PCDH15: variants seen among roughly 807,000 people sequenced by gnomAD.
PCDH15 encodes protocadherin related 15.
Under a neutral mutation model 178.5 loss-of-function variants are expected in PCDH15, and 129 were observed. That is an observed-to-expected ratio of 0.72 (90% CI 0.63 to 0.84). The LOEUF is 0.84. Among genes scored for constraint, PCDH15 ranks in the 40% least tolerant of loss-of-function variants. The probability of loss-of-function intolerance (pLI) is 0.00; values close to 1 mark genes in which losing one functional copy is unlikely to be tolerated. For synonymous variants in PCDH15, 800 were observed against 732.0 expected (o/e 1.09, Z -1.50); for missense variants, 2,230 against 2,099.9 (o/e 1.06, Z -1.21).
chr10:54,117,662 C>G (rs904433424), intron 15 of PCDH15, among the ~76,000 whole-genome samples: 6 of 152,080 alleles, frequency 3.9e-5, no homozygotes, highest in African/African-American at 1.4e-4. Context: ...TCTCAGGAGA[C>G]CCAAAGTGTG....
At chr10:53,827,974 G>A (rs181276871) in intron 31 of PCDH15, among the ~76,000 whole-genome samples, 4 of 151,814 alleles carry the variant, frequency 2.6e-5, no homozygotes, top group Admixed American at 2.6e-4. Context: ...AAACATTTTT[G>A]ACGTTATTTC....
In PCDH15 at chr10:54,999,697, C is replaced by T. The variant is rs186246460; in HGVS notation, c.-79-102197G>A. Among the ~76,000 whole-genome samples the T allele has an allele frequency of 1.2e-4, 19 of 152,184 alleles. No homozygotes were observed. In the East Asian group the frequency reaches 1.4e-3, roughly 11 times the overall value. ...CAGGACGCCACAGTACTGGGTTGAG[C>T]GATATCGGGGAAAATTCAGCCAGAT... On this transcript the variant is annotated intron_variant, in intron 2 of 5. Transcript: ENST00000458638.
chr10:55,504,704 AACATT>A (rs1375054130), intron 2 of PCDH15, among the ~76,000 whole-genome samples: 1 of 151,434 alleles, frequency 6.6e-6, no homozygotes, highest in Non-Finnish European at 1.5e-5. Context: ...ACTAATGAAA[AACATT>A]ACATCAGGTA....
intron 2 of PCDH15, among the ~76,000 whole-genome samples, chr10:55,544,446 T>C (rs1004809883): frequency 4.6e-5 from 7 of 151,942 alleles, no homozygotes; most frequent in Non-Finnish European, 1.5e-5. Flanking sequence ...ACTATTCATA[T>C]TTTTCAAATG....
intron 25 of PCDH15, among the ~76,000 whole-genome samples, chr10:53,928,045 G>A (rs564456714): frequency 6.6e-6 from 1 of 152,128 alleles, no homozygotes. Context: ...ATTCCTTGAG[G>A]TTAAGTGAAA....
intron 2 of PCDH15, among the ~76,000 whole-genome samples, chr10:54,995,388 T>C (rs1839614007): frequency 6.4e-5 from 1 of 15,668 alleles, no homozygotes; most frequent in Non-Finnish European, 1.0e-4. Context: ...CGAGACTCCG[T>C]CTCAAAAAAA....
At chr10:55,552,573 T>C (rs1394277434) in intron 2 of PCDH15, among the ~76,000 whole-genome samples, 1 of 151,446 alleles carries the variant, frequency 6.6e-6, no homozygotes, top group Non-Finnish European at 1.5e-5. Flanking sequence ...AGAATACTTT[T>C]AGAACAAGTA....
At position 55,014,200 on chromosome 10, in the gene PCDH15, A is replaced by AT. The variant is rs879648451; in HGVS notation, c.-79-116701dup. On this transcript the variant is annotated intron_variant, in intron 2 of 5. Transcript: ENST00000458638. ...CTCAAAGGGAGGAATACACCTTGAA[A>AT]TTTTTTTTTTATAATTACAAAGTGG... is the stretch of plus-strand genomic sequence containing the variant. 5.3e-3 allele frequency among the ~76,000 whole-genome samples: 803 copies of AT among 150,820 alleles called. 4 individuals are homozygous for AT. Among genetic ancestry groups the AT allele is most frequent in the African/African-American group, 0.019 (767 of 41,200 alleles).
chr10:55,402,279 A>C (rs767628034), intron 2 of PCDH15, among the ~76,000 whole-genome samples: 1 of 152,094 alleles, frequency 6.6e-6, no homozygotes, highest in Non-Finnish European at 1.5e-5. Context: ...GGGTACATAT[A>C]TTTTGATACA....
At chr10:53,824,699 G>C (rs1464358879) in intron 32 of PCDH15, among the ~76,000 whole-genome samples, 1 of 152,030 alleles carries the variant, frequency 6.6e-6, no homozygotes, top group Non-Finnish European at 1.5e-5. Context: ...AACTGGGATT[G>C]ATATTATATA....
chr10:55,159,369 C>CTATCTATA (rs1285021187), intron 2 of PCDH15, among the ~76,000 whole-genome samples: 1 of 20,886 alleles, frequency 4.8e-5, no homozygotes, highest in African/African-American at 8.5e-5. Flanking sequence ...ATCTATCTAT[C>CTATCTATA]TATATATATA....
At chr10:54,912,152 C>A (rs1954829811) in intron 2 of PCDH15, among the ~76,000 whole-genome samples, 1 of 151,930 alleles carries the variant, frequency 6.6e-6, no homozygotes, top group Admixed American at 6.6e-5. Context: ...CCATAGTAGA[C>A]AAATTTTGAA....
chr10:54,421,136 CAATT>C (rs1274661887), intron 3 of PCDH15, among the ~76,000 whole-genome samples: 4 of 151,948 alleles, frequency 2.6e-5, no homozygotes, highest in African/African-American at 9.7e-5. Context: ...GTATTTGCAG[CAATT>C]ATTAGTGAAG....
intron 15 of PCDH15, among the ~76,000 whole-genome samples, chr10:54,104,335 T>C (rs2094868827): frequency 6.6e-6 from 1 of 152,146 alleles, no homozygotes; most frequent in Non-Finnish European, 1.5e-5. Context: ...AGGGTCCCAT[T>C]CTTTTCCAAT....
intron 2 of PCDH15, among the ~76,000 whole-genome samples, chr10:54,956,984 G>A (rs574350428): frequency 1.6e-4 from 24 of 151,628 alleles, no homozygotes; most frequent in Middle Eastern, 3.4e-3. Flanking sequence ...TTATACTGTC[G>A]CTAATTAGAT....
chr10:55,339,331 T>A (rs1844487250), intron 2 of PCDH15, among the ~76,000 whole-genome samples: 1 of 151,864 alleles, frequency 6.6e-6, no homozygotes, highest in South Asian at 2.1e-4. Flanking sequence ...TTTACTACAA[T>A]GAGGACATTT....
intron 3 of PCDH15, among the ~76,000 whole-genome samples, chr10:54,503,223 A>ATGTGTGTG (rs1318349172): frequency 2.1e-5 from 2 of 94,682 alleles, no homozygotes; most frequent in African/African-American, 8.0e-5. Flanking sequence ...ATATACATAT[A>ATGTGTGTG]TATGTGTGTG....
chr10:54,725,533 A>AT (rs1942352027), intron 1 of PCDH15, among the ~76,000 whole-genome samples: 1 of 128,018 alleles, frequency 7.8e-6, no homozygotes, highest in Admixed American at 7.8e-5. Flanking sequence ...TGTTTATATA[A>AT]ATATAATTAT....
chr10:55,175,556 G>T (rs1189535967), intron 1 of PCDH15, among the ~76,000 whole-genome samples: 1 of 151,442 alleles, frequency 6.6e-6, no homozygotes, highest in East Asian at 1.9e-4. Flanking sequence ...CCAGGTACTT[G>T]GGGGGTGGCT....
Sources: gnomAD v4.1 joint callset for allele counts (sites outside exome capture counted in the v4.1 genomes callset) on GRCh38, gnomAD v4.1.1 for gene constraint, MANE v1.5 for transcripts, NCBI Gene and HGNC (gene_info 2026-07-23, HGNC 2026-07-21) for gene names.